Variants in NTM observed in about 807,000 individuals in gnomAD.
The protein encoded by NTM is IgLON family member 2.
In NTM, 13 loss-of-function variants were observed where a neutral mutation model predicts 42.1. The ratio of observed to expected loss-of-function variants is 0.31; its 90% CI spans 0.20 to 0.49. The LOEUF (loss-of-function observed/expected upper bound fraction) is 0.49. NTM is among the 20% of genes least tolerant of loss of function. NTM has a pLI of 0.99. For synonymous variants in NTM, 187 were observed against 179.2 expected (o/e 1.04, Z -0.35); for missense variants, 373 against 452.8 (o/e 0.82, Z 1.60).
At chr11:132,140,498 C>G (rs1405005364) in intron 2 of NTM, among the ~76,000 whole-genome samples, 4 of 152,110 alleles carry the variant, frequency 2.6e-5, no homozygotes, top group African/African-American at 9.7e-5. Flanking sequence ...CAATGTGAGT[C>G]TAAGTCTAGT....
chr11:131,725,009 A>G (rs1366789902), intron 1 of NTM, among the ~76,000 whole-genome samples: 1 of 152,204 alleles, frequency 6.6e-6, no homozygotes, highest in East Asian at 1.9e-4. Flanking sequence ...GTCCAGGGAC[A>G]ACAAGTTCAG....
At chr11:131,777,740 T>C (rs1041592927) in intron 1 of NTM, among the ~76,000 whole-genome samples, 11 of 152,168 alleles carry the variant, frequency 7.2e-5, no homozygotes, top group Non-Finnish European at 1.5e-4. Context: ...CTGGTGACTT[T>C]AAAAACTTTT....
intron 1 of NTM, among the ~76,000 whole-genome samples, chr11:131,413,058 G>C (rs1946588002): frequency 6.6e-6 from 1 of 152,098 alleles, no homozygotes; most frequent in Admixed American, 6.6e-5. Context: ...ACCTGGTTTT[G>C]TGAGGTTCAC....
At chr11:131,942,516 T>C (rs532580828) in intron 2 of NTM, among the ~76,000 whole-genome samples, 14 of 152,260 alleles carry the variant, frequency 9.2e-5, no homozygotes, top group Non-Finnish European at 2.1e-4. Context: ...TCTCTGGGCC[T>C]GGAAGGGGAA....
At chr11:132,291,473 A>G (rs2094448795) in intron 4 of NTM, among the ~76,000 whole-genome samples, 1 of 152,214 alleles carries the variant, frequency 6.6e-6, no homozygotes, top group Admixed American at 6.5e-5. Context: ...TGGGATGCCT[A>G]TGAGACTTCC....
chr11:131,666,611 T>C (rs534001467), intron 1 of NTM, among the ~76,000 whole-genome samples: 1 of 152,284 alleles, frequency 6.6e-6, no homozygotes, highest in South Asian at 2.1e-4. Context: ...AGATGGGAGA[T>C]GCCTATGATC....
At chr11:131,494,697 A>G (rs1211543959) in intron 1 of NTM, among the ~76,000 whole-genome samples, 5 of 152,234 alleles carry the variant, frequency 3.3e-5, no homozygotes, top group African/African-American at 1.2e-4. Flanking sequence ...CCATGAAAAA[A>G]AAATATCTCC....
chr11:131,468,636 C>T (rs1240288089), intron 1 of NTM, among the ~76,000 whole-genome samples: 2 of 152,188 alleles, frequency 1.3e-5, no homozygotes, highest in Non-Finnish European at 2.9e-5. Context: ...ATAATAGCTA[C>T]AAATTCACTC....
At chr11:131,716,727 CA>C (rs2077728107) in intron 1 of NTM, among the ~76,000 whole-genome samples, 1 of 152,116 alleles carries the variant, frequency 6.6e-6, no homozygotes, top group South Asian at 2.1e-4. Flanking sequence ...TCATCTTTAT[CA>C]AAAATCAGTT....
rs557950008 is a variant in NTM, at chr11:131,424,942, C to T, written c.82+54054C>T. ...TCACCCAGGTTGGAATGCGGTGGCT[C>T]GATCTTGGCTCATTGAAACCTCCGC... On this transcript the variant is annotated intron_variant, in intron 1 of 8. Transcript: ENST00000683400. 5.3e-5 allele frequency among the ~76,000 whole-genome samples: 8 copies of T among 149,580 alleles called. No homozygotes were observed. In the East Asian group the frequency reaches 1.2e-3, roughly 22 times the overall value.
At chr11:131,404,848 A>G (rs1177957558) in intron 1 of NTM, among the ~76,000 whole-genome samples, 1 of 152,216 alleles carries the variant, frequency 6.6e-6, no homozygotes, top group Non-Finnish European at 1.5e-5. Context: ...AAATTCCTTC[A>G]AAAATGATTC....
At chr11:132,280,682 C>T (rs532983550) in intron 4 of NTM, among the ~76,000 whole-genome samples, 1 of 152,100 alleles carries the variant, frequency 6.6e-6, no homozygotes, top group South Asian at 2.1e-4. Context: ...GACAGGGTTT[C>T]ACCATGTTGG....
chr11:131,814,725 TC>T (rs2092878182), intron 1 of NTM, among the ~76,000 whole-genome samples: 1 of 152,284 alleles, frequency 6.6e-6, no homozygotes, highest in South Asian at 2.1e-4. Context: ...GCGTTTTGCC[TC>T]CACTGTCCTG....
chr11:132,173,281 C>T (rs2137882474), intron 3 of NTM, among the ~76,000 whole-genome samples: 1 of 152,284 alleles, frequency 6.6e-6, no homozygotes, highest in South Asian at 2.1e-4. Context: ...GAAGTTAAAT[C>T]TATCATTTCT....
At chr11:131,847,563 C>G (rs1313106753) in intron 1 of NTM, among the ~76,000 whole-genome samples, 1 of 152,034 alleles carries the variant, frequency 6.6e-6, no homozygotes, top group East Asian at 1.9e-4. Flanking sequence ...TCCCACAGTT[C>G]CTTCAGGAAT....
intron 1 of NTM, among the ~76,000 whole-genome samples, chr11:131,865,679 CACAT>C (rs1320192695): frequency 1.1e-4 from 16 of 151,958 alleles, no homozygotes; most frequent in Non-Finnish European, 2.1e-4. Flanking sequence ...CACACACACT[CACAT>C]ACACACCAAA....
intron 1 of NTM, chr11:131,539,446 A>T (rs2052834364): frequency 6.6e-6 from 1 of 152,320 alleles, no homozygotes; most frequent in South Asian, 2.1e-4. Flanking sequence ...AAAGGGGTTC[A>T]GTAATTTATG....
At chr11:131,669,309 A>G (rs1351596172) in intron 1 of NTM, among the ~76,000 whole-genome samples, 1 of 152,220 alleles carries the variant, frequency 6.6e-6, no homozygotes, top group Non-Finnish European at 1.5e-5. Context: ...GAATCAGCCA[A>G]GCTGAAACCC....
chr11:132,314,868 GGACAGAGA>G (rs1189376237), intron 7 of NTM, 165 bp downstream of exon 7: 39 of 1,366,862 alleles, frequency 2.9e-5, no homozygotes, highest in East Asian at 1.3e-4. Flanking sequence ...GGAGAGAGAG[GGACAGAGA>G]GACAGGGAGG....
Sources: allele counts gnomAD v4.1 joint callset (sites outside exome capture counted in the v4.1 genomes callset), GRCh38; gene constraint gnomAD v4.1.1; transcripts MANE v1.5; gene names NCBI Gene and HGNC (gene_info 2026-07-23, HGNC 2026-07-21).